SH3PXD2B: variants seen among roughly 807,000 people sequenced by gnomAD.
SH3PXD2B encodes the protein SH3 and PX domain-containing protein 2B.
Under a neutral mutation model 73.1 loss-of-function variants are expected in SH3PXD2B, and 37 were observed. The ratio of observed to expected loss-of-function variants is 0.51; its 90% CI spans 0.39 to 0.67. SH3PXD2B has a LOEUF of 0.67. Ranked by LOEUF, SH3PXD2B falls within the 30% of genes least tolerant of loss-of-function variation. The pLI, the probability that SH3PXD2B is intolerant of heterozygous loss-of-function variation, is 0.00. For missense variants in SH3PXD2B, 1,053 were observed against 1,197.8 expected, an observed-to-expected ratio of 0.88 and a Z score of 1.78; for synonymous variants, 457 against 480.5, an observed-to-expected ratio of 0.95 and a Z score of 0.64.
At chr5:172,439,293 C>CAAAAAAAAA (rs1233319484) in intron 1 of SH3PXD2B, among the ~76,000 whole-genome samples, 4 of 61,612 alleles carry the variant, frequency 6.5e-5, no homozygotes, top group African/African-American at 2.5e-4. Context: ...AAAAAAAAAC[C>CAAAAAAAAA]CCAAAAAAAA....
chr5:172,365,454 A>G lies in SH3PXD2B; in HGVS notation c.428-2585T>C, dbSNP rs115365042. Among the ~76,000 whole-genome samples the G allele has an allele frequency of 8.8e-3, 1,347 of 152,290 alleles. 20 individuals carry two copies. The highest frequency in any genetic ancestry group is 0.031 in the African/African-American group (1,289 of 41,574). Reference sequence around the variant, plus strand: ...GGGCACGACAGTGAGAAAAGATAAGATGACGGAGGAAGAAGGGTGGTCTGA... The same window carrying G: ...GGGCACGACAGTGAGAAAAGATAAGGTGACGGAGGAAGAAGGGTGGTCTGA... On this transcript the variant is annotated intron_variant, in intron 6 of 12. Coordinates refer to ENST00000311601, the MANE Select transcript of SH3PXD2B (RefSeq NM_001017995.3).
At chr5:172,327,730 G>A (rs2339425) in intron 12 of SH3PXD2B, among the ~76,000 whole-genome samples, 93,866 of 149,918 alleles carry the variant, frequency 0.63, 29,740 homozygotes, top group South Asian at 0.85. Context: ...CTGGAACTAC[G>A]GGTGCATACC....
chr5:172,364,507 A>T (rs1401890158), intron 6 of SH3PXD2B, among the ~76,000 whole-genome samples: 1 of 152,098 alleles, frequency 6.6e-6, no homozygotes, highest in Non-Finnish European at 1.5e-5. Flanking sequence ...TCTACTAAAA[A>T]TACAAAAAGG....
intron 6 of SH3PXD2B, among the ~76,000 whole-genome samples, chr5:172,372,806 A>C (rs1757735350): frequency 6.6e-6 from 1 of 152,144 alleles, no homozygotes. Context: ...GATCCTCATC[A>C]ACCCCTTCAA....
At chr5:172,415,546 C>T (rs963637273) in intron 2 of SH3PXD2B, among the ~76,000 whole-genome samples, 1 of 152,142 alleles carries the variant, frequency 6.6e-6, no homozygotes, top group Non-Finnish European at 1.5e-5. Flanking sequence ...CTTCAGTTTC[C>T]CCATCTGTGA....
chr5:172,454,325 C>T lies in SH3PXD2B; in HGVS notation c.28G>A (p.Val10Met). The change falls in exon 1 of 13, where the codon GTG (valine) becomes ATG (methionine). Residue 10 changes from valine (V) to methionine (M), a missense_variant. Around this residue, in one of 2 missense-constraint regions of SH3PXD2B, gnomAD observed 466 missense variants for 607.1 expected, o/e 0.77. Coordinates refer to ENST00000311601, the MANE Select transcript of SH3PXD2B (RefSeq NM_001017995.3). The part of the protein sequence containing the change: MPPRRSIVE[V>M]KVLDVQKRRV... ...CGCTTCTGCACGTCTAGCACCTTCA[C>T]CTCCACGATGCTGCGCCGCGGCGGC... 1 of 1,589,158 alleles carries T rather than the reference C, an allele frequency of 6.3e-7. No homozygotes were observed. The highest frequency in any genetic ancestry group is 8.5e-7 in the Non-Finnish European group (1 of 1,171,204).
chr5:172,389,568 C>CA (rs34351709), intron 4 of SH3PXD2B, among the ~76,000 whole-genome samples: 15,891 of 103,490 alleles, frequency 0.15, 1,378 homozygotes, highest in Middle Eastern at 0.26. Context: ...TCATCTCTAC[C>CA]AAAAAAAAAA....
At chr5:172,354,035 A>T in intron 8 of SH3PXD2B, 30 bp from the exon 9 acceptor site, 2 of 1,592,188 alleles carry the variant, frequency 1.3e-6, no homozygotes, top group Non-Finnish European at 1.7e-6. Flanking sequence ...CTGGGGTCAG[A>T]AGAGGACACC....
chr5:172,427,359 C>T (rs10055080), intron 1 of SH3PXD2B, among the ~76,000 whole-genome samples: 78,686 of 151,834 alleles, frequency 0.52, 22,492 homozygotes, highest in African/African-American at 0.75. Context: ...ATTTTTCATT[C>T]TTCTGAGATG....
At chr5:172,390,155 C>T (rs1301545719) in intron 4 of SH3PXD2B, among the ~76,000 whole-genome samples, 3 of 152,158 alleles carry the variant, frequency 2.0e-5, no homozygotes, top group Non-Finnish European at 4.4e-5. Flanking sequence ...AAAACTTTTC[C>T]ATCACTTCAA....
intron 2 of SH3PXD2B, among the ~76,000 whole-genome samples, chr5:172,413,936 T>C (rs1389304494): frequency 2.0e-5 from 3 of 152,218 alleles, no homozygotes; most frequent in African/African-American, 7.2e-5. Flanking sequence ...TTGGGCCAGA[T>C]GTTGGCTGGG....
Position 172,353,932 on chromosome 5 carries a change from C to T in SH3PXD2B, c.741G>A (p.Val247=). 1 of 1,614,068 alleles carries T rather than the reference C, an allele frequency of 6.2e-7. No homozygotes were observed. The highest frequency in any genetic ancestry group is 1.1e-5 in the South Asian group (1 of 91,084). Residue 247 remains valine (V), a synonymous_variant, in exon 9 of 13, where the codon GTG becomes GTA. Transcript: ENST00000311601. The surrounding 1 kb of genome is among the most constrained non-coding windows in gnomAD (Gnocchi z 4.3). ...CCAGGTTTTTCTGGATGACCTCCAC[C>T]ACAGCCCCTCTCTCCAGGTTCATTT... is the stretch of plus-strand genomic sequence containing the variant. ...QDEMNLERGA[V]VEVIQKNLEG... is the part of the protein sequence containing the mutation.
chr5:172,330,472 G>T (rs1756533646), downstream of SH3PXD2B, among the ~76,000 whole-genome samples: 1 of 152,156 alleles, frequency 6.6e-6, no homozygotes, highest in Admixed American at 6.5e-5. Flanking sequence ...CTCTGTGAAT[G>T]GTATCACAGT....
chr5:172,406,461 T>G, intron 2 of SH3PXD2B, 109 bp from the exon 3 acceptor site: 2 of 1,255,392 alleles, frequency 1.6e-6, no homozygotes, highest in Non-Finnish European at 2.3e-6. Context: ...ATACTAAAAG[T>G]TCACTGCGTT....
At chr5:172,408,554 T>TTTA (rs1164854301) in intron 2 of SH3PXD2B, among the ~76,000 whole-genome samples, 1 of 149,568 alleles carries the variant, frequency 6.7e-6, no homozygotes, top group Non-Finnish European at 1.5e-5. Flanking sequence ...TTTTTTTTTT[T>TTTA]TGAGATGGAG....
At chr5:172,442,318 A>G (rs1226527314) in intron 1 of SH3PXD2B, among the ~76,000 whole-genome samples, 1 of 152,208 alleles carries the variant, frequency 6.6e-6, no homozygotes, top group African/African-American at 2.4e-5. Flanking sequence ...TTTCCTATGC[A>G]TAGAAATATT....
intron 1 of SH3PXD2B, among the ~76,000 whole-genome samples, chr5:172,434,782 G>GTTTTTTTTTTTTGGTT (rs1759329299): frequency 3.0e-5 from 2 of 66,350 alleles, no homozygotes; most frequent in African/African-American, 9.2e-5. Flanking sequence ...ATGGCCAATG[G>GTTTTTTTTTTTTGGTT]TTTTTTTTTT....
At chr5:172,329,084 T>TA (rs1554133356), downstream of SH3PXD2B, among the ~76,000 whole-genome samples, 108 of 53,334 alleles carry the variant, frequency 2.0e-3, no homozygotes, top group East Asian at 4.2e-3. Flanking sequence ...TATATATATA[T>TA]TTTTTTTTTT....
intron 1 of SH3PXD2B, among the ~76,000 whole-genome samples, chr5:172,424,902 C>G (rs967731630): frequency 6.6e-6 from 1 of 152,108 alleles, no homozygotes; most frequent in Non-Finnish European, 1.5e-5. Context: ...GCTCTCAGAC[C>G]ACCCAATGCC....
Sources: gnomAD v4.1 joint callset for allele counts (sites outside exome capture counted in the v4.1 genomes callset) on GRCh38, gnomAD v4.1.1 for gene constraint, gnomAD v4.1.1 regional missense constraint, Gnocchi (gnomAD v3.1) non-coding constraint, MANE v1.5 for transcripts, NCBI Gene and HGNC (gene_info 2026-07-23, HGNC 2026-07-21) for gene names.